WDR27: variants seen among roughly 807,000 people sequenced by gnomAD.
The protein encoded by WDR27 is WD repeat-containing protein 27.
Under a neutral mutation model 114.4 loss-of-function variants are expected in WDR27, and 100 were observed. That is an observed-to-expected ratio of 0.87 (90% CI 0.74 to 1.03). WDR27 has a LOEUF of 1.03. Among genes scored for constraint, WDR27 ranks in the 50% least tolerant of loss-of-function variants. The pLI is 0.00. For synonymous variants in WDR27, 449 were observed against 423.1 expected, an observed-to-expected ratio of 1.06 and a Z score of -0.75; for missense variants, 1,129 against 1,092.9, an observed-to-expected ratio of 1.03 and a Z score of -0.47.
chr6:169,625,176 G>T (rs1361600946), intron 21 of WDR27, among the ~76,000 whole-genome samples: 1 of 152,210 alleles, frequency 6.6e-6, no homozygotes, highest in Non-Finnish European at 1.5e-5. Flanking sequence ...AAAAAGGAAG[G>T]CAGATCCAAC....
intron 22 of WDR27, among the ~76,000 whole-genome samples, chr6:169,602,817 T>C (rs75592295): frequency 0.022 from 3,397 of 152,104 alleles, 75 homozygotes; most frequent in East Asian, 0.088. Flanking sequence ...GTATAAATTC[T>C]ACAAAGATAA....
At chr6:169,479,997 G>T (rs1457551627) in intron 25 of WDR27, among the ~76,000 whole-genome samples, 1 of 152,236 alleles carries the variant, frequency 6.6e-6, no homozygotes, top group Non-Finnish European at 1.5e-5. Flanking sequence ...GGCTGGCCAA[G>T]GCCAGAGCCG....
rs5881836 is a variant in WDR27 at position 169,571,260 on chromosome 6, TAA to T, written c.2645+1157_2645+1158del. On this transcript the variant is annotated intron_variant, in intron 25 of 25. Transcript: ENST00000448612. ...CCACATACCTTAGTCAGAAAAAAATTAAAAAAAAAATAAATAAAAAGATGACT... is the reference window on the plus strand; with the variant it reads ...CCACATACCTTAGTCAGAAAAAAATTAAAAAAAATAAATAAAAAGATGACT... Among the ~76,000 whole-genome samples, 259 of 141,174 alleles carry T rather than the reference TAA, an allele frequency of 1.8e-3. 3 individuals are homozygous for T. Among genetic ancestry groups the T allele is most frequent in the African/African-American group, 6.6e-3 (240 of 36,104 alleles). 92.6% of individuals were successfully genotyped at this position (141,174 alleles called of 152,430 possible).
At chr6:169,649,061 TACA>T in intron 15 of WDR27, 134 bp downstream of exon 15, 1 of 606,294 alleles carries the variant, frequency 1.6e-6, no homozygotes. Flanking sequence ...AATATAGATA[TACA>T]TATCTGTGTA....
chr6:169,571,607 C>T (rs1009814764), intron 25 of WDR27, among the ~76,000 whole-genome samples: 6 of 152,218 alleles, frequency 3.9e-5, no homozygotes, highest in Non-Finnish European at 7.3e-5. Flanking sequence ...GCAGGAGGAT[C>T]GCTTGAGCCC....
At chr6:169,610,724 C>T (rs969611332) in intron 22 of WDR27, among the ~76,000 whole-genome samples, 3 of 152,104 alleles carry the variant, frequency 2.0e-5, no homozygotes, top group African/African-American at 7.2e-5. Context: ...TAAAAAAGAA[C>T]AAAAGAATGT....
intron 3 of WDR27, chr6:169,671,195 G>A (rs183300897): frequency 1.3e-5 from 2 of 154,964 alleles, no homozygotes; most frequent in Non-Finnish European, 2.9e-5. Flanking sequence ...AGCCCGTCAT[G>A]CAAATCCACA....
At position 169,666,607 on chromosome 6, in the gene WDR27, G is replaced by A. The variant is rs141723436; in HGVS notation, c.712+529C>T. 28 of 985,596 alleles carry A rather than the reference G, an allele frequency of 2.8e-5. 1 individual carries two copies. The highest frequency in any genetic ancestry group is 9.4e-5 in the South Asian group (2 of 21,290). The allele number at this position is 985,596 out of a possible 1,614,324, so 61.1% of individuals were successfully genotyped here. A position where few individuals can be genotyped will look rare whatever the true frequency, so the allele number is the denominator to read the frequency against. ...CTTATGCCGTGCTCCGCGGACGGAC[G>A]CCTGCACCATCAATGCTGTAGCTGT... is the stretch of plus-strand genomic sequence containing the variant. On this transcript the variant is annotated intron_variant, in intron 6 of 25. Transcript: ENST00000448612.
In WDR27 at chr6:169,553,051, G is replaced by GT. The variant is rs1428593237; in HGVS notation, c.2645+19367_2645+19368insA. 2.8e-5 allele frequency among the ~76,000 whole-genome samples: 2 copies of GT among 71,308 alleles called. 1 individual carries two copies. The highest frequency in any genetic ancestry group is 2.7e-4 in the Admixed American group (2 of 7,286). The allele number at this position is 71,308 out of a possible 152,430, so 46.8% of individuals were successfully genotyped here. ...GTATGCAGGGAGGTGGGGAGGGCCTGGAGGGCCTGTGTGTGTGTGTGTGTG... is the reference window on the plus strand; with the variant it reads ...GTATGCAGGGAGGTGGGGAGGGCCTGTGAGGGCCTGTGTGTGTGTGTGTGTG... On this transcript the variant is annotated intron_variant, in intron 25 of 25. Transcript: ENST00000448612.
At chr6:169,649,524 C>T (rs1482681083) in intron 14 of WDR27, among the ~76,000 whole-genome samples, 3 of 151,920 alleles carry the variant, frequency 2.0e-5, no homozygotes, top group Admixed American at 6.6e-5. Context: ...GGAATAGGAC[C>T]CTGATGCTTG....
chr6:169,453,138 C>CAT (rs1784223965), downstream of WDR27, among the ~76,000 whole-genome samples: 2 of 152,216 alleles, frequency 1.3e-5, no homozygotes, highest in Non-Finnish European at 1.5e-5. Context: ...TGCTTGTTCT[C>CAT]ATGACTATAG....
chr6:169,493,678 G>A (rs1305865925), intron 25 of WDR27, among the ~76,000 whole-genome samples: 1 of 151,986 alleles, frequency 6.6e-6, no homozygotes, highest in Middle Eastern at 3.2e-3. Flanking sequence ...TTACATATTT[G>A]GCGATACTGA....
intron 21 of WDR27, among the ~76,000 whole-genome samples, chr6:169,621,804 A>G (rs1347130346): frequency 6.6e-6 from 1 of 152,158 alleles, no homozygotes; most frequent in African/African-American, 2.4e-5. Context: ...ACATACCCAC[A>G]CATGCATTCA....
intron 25 of WDR27, among the ~76,000 whole-genome samples, chr6:169,480,832 A>C (rs1485041128): frequency 6.6e-6 from 1 of 151,930 alleles, no homozygotes; most frequent in Non-Finnish European, 1.5e-5. Flanking sequence ...CAAGGTTTGT[A>C]AATGCACCAA....
chr6:169,528,994 A>G (rs1400771309), intron 25 of WDR27, among the ~76,000 whole-genome samples: 4 of 152,206 alleles, frequency 2.6e-5, no homozygotes, highest in Non-Finnish European at 4.4e-5. Flanking sequence ...GTATTAAGAG[A>G]AAATACTCAC....
At chr6:169,641,616 G>C (rs954101745) in intron 17 of WDR27, among the ~76,000 whole-genome samples, 2 of 152,204 alleles carry the variant, frequency 1.3e-5, no homozygotes, top group Non-Finnish European at 2.9e-5. Context: ...ATGGAGGCCG[G>C]CGTGGGCAGT....
At chr6:169,696,579 C>G (rs910396775) in intron 1 of WDR27, among the ~76,000 whole-genome samples, 9 of 152,208 alleles carry the variant, frequency 5.9e-5, no homozygotes. Flanking sequence ...GACCTGAAGA[C>G]CTCTTCCATG....
chr6:169,517,070 G>C (rs1173871651), intron 25 of WDR27, among the ~76,000 whole-genome samples: 3 of 152,144 alleles, frequency 2.0e-5, no homozygotes, highest in African/African-American at 7.2e-5. Context: ...GGGGCCTGGT[G>C]GGAGGTGTTT....
intron 23 of WDR27, among the ~76,000 whole-genome samples, chr6:169,596,388 G>A (rs1323090140): frequency 6.6e-6 from 1 of 151,434 alleles, no homozygotes; most frequent in Non-Finnish European, 1.5e-5. Flanking sequence ...ATATTCCTTT[G>A]TATTTGGTCT....
Sources: allele counts gnomAD v4.1 joint callset (sites outside exome capture counted in the v4.1 genomes callset), GRCh38; gene constraint gnomAD v4.1.1; transcripts MANE v1.5; gene names NCBI Gene and HGNC (gene_info 2026-07-23, HGNC 2026-07-21).